The following CSMD1 variants were observed in gnomAD, a reference collection of about 807,000 sequenced individuals.
CSMD1 encodes CUB and Sushi multiple domains 1, also known as CUB and sushi domain-containing protein 1.
In CSMD1, 213 loss-of-function variants were observed where a neutral mutation model predicts 417.5. The ratio of observed to expected loss-of-function variants is 0.51; its 90% CI spans 0.46 to 0.57. The LOEUF (loss-of-function observed/expected upper bound fraction) is 0.57, where lower values mean the gene tolerates loss of function less well. Ranked by LOEUF, CSMD1 falls within the 20% of genes least tolerant of loss-of-function variation. The pLI is 0.00. For missense variants in CSMD1, 6,923 were observed against 4,529.7 expected, an observed-to-expected ratio of 1.53 and a Z score of -15.17; for synonymous variants, 2,862 against 1,736.8, an observed-to-expected ratio of 1.65 and a Z score of -16.11.
intron 12 of CSMD1, among the ~76,000 whole-genome samples, chr8:3,418,605 G>C (rs559627601): frequency 6.6e-6 from 1 of 152,156 alleles, no homozygotes; most frequent in African/African-American, 2.4e-5. Context: ...ACAATGTCCT[G>C]TGTCTCAGCT....
intron 40 of CSMD1, among the ~76,000 whole-genome samples, chr8:3,149,975 CACAT>C (rs1819092863): frequency 6.6e-6 from 1 of 152,166 alleles, no homozygotes; most frequent in African/African-American, 2.4e-5. Context: ...TCCCGGGTTA[CACAT>C]ACCTCTGAAA....
intron 5 of CSMD1, among the ~76,000 whole-genome samples, chr8:3,914,612 C>A (rs1038336113): frequency 6.6e-6 from 1 of 152,134 alleles, no homozygotes; most frequent in South Asian, 2.1e-4. Flanking sequence ...TACCAGCTAG[C>A]ATTAAATGAA....
Position 4,836,787 on chromosome 8 carries a change from C to T in CSMD1, c.85+157545G>A, listed in dbSNP as rs376548517. 9.9e-5 allele frequency among the ~76,000 whole-genome samples: 15 copies of T among 151,886 alleles called. No homozygotes were observed. In the South Asian group the frequency reaches 3.1e-3, roughly 32 times the overall value. ...ACAGGAGTCTTGACTCCTGTGTGGA[C>T]ACACTGATGTAATCGGGCCCTGTGT... On this transcript the variant is annotated intron_variant, in intron 1 of 69. Transcript: ENST00000635120.
At chr8:4,598,362 T>A (rs1037878485) in intron 2 of CSMD1, among the ~76,000 whole-genome samples, 2 of 152,318 alleles carry the variant, frequency 1.3e-5, no homozygotes, top group East Asian at 3.9e-4. Context: ...GGTTAGGGGC[T>A]GGTGCCTAGA....
chr8:4,035,068 G>C (rs984874502), intron 3 of CSMD1, among the ~76,000 whole-genome samples: 2 of 152,118 alleles, frequency 1.3e-5, no homozygotes, highest in South Asian at 2.1e-4. Flanking sequence ...CGTGCAGAAA[G>C]ATCAACGAAA....
At chr8:3,203,616 A>T (rs1185132953) in intron 31 of CSMD1, among the ~76,000 whole-genome samples, 4 of 152,196 alleles carry the variant, frequency 2.6e-5, no homozygotes, top group Non-Finnish European at 4.4e-5. Flanking sequence ...CTCCGTGGAT[A>T]AAAAACAAAC....
chr8:3,600,134 C>A (rs1333930994), intron 8 of CSMD1, among the ~76,000 whole-genome samples: 2 of 152,192 alleles, frequency 1.3e-5, no homozygotes, highest in African/African-American at 4.8e-5. Flanking sequence ...AAGACACACA[C>A]ACACATAACT....
chr8:4,162,292 A>C (rs1349640657), intron 3 of CSMD1, among the ~76,000 whole-genome samples: 1 of 152,230 alleles, frequency 6.6e-6, no homozygotes, highest in Non-Finnish European at 1.5e-5. Context: ...AAGTTTGCTA[A>C]AGAAAACTCA....
At chr8:4,476,902 G>A (rs1800830374) in intron 2 of CSMD1, among the ~76,000 whole-genome samples, 1 of 152,176 alleles carries the variant, frequency 6.6e-6, no homozygotes, top group Non-Finnish European at 1.5e-5. Flanking sequence ...AAATCCCAGG[G>A]AATCAAGGGT....
chr8:4,741,293 G>C (rs1375679476), intron 1 of CSMD1, among the ~76,000 whole-genome samples: 1 of 152,136 alleles, frequency 6.6e-6, no homozygotes, highest in Non-Finnish European at 1.5e-5. Context: ...TCACAATGAA[G>C]ATCCTTACTG....
At chr8:3,922,469 C>T (rs1010542276) in intron 5 of CSMD1, among the ~76,000 whole-genome samples, 1 of 152,006 alleles carries the variant, frequency 6.6e-6, no homozygotes, top group Non-Finnish European at 1.5e-5. Context: ...TTTCTCGTCA[C>T]ATTTTCTTTC....
Position 2,937,556 on chromosome 8 carries a change from CAG to C in CSMD1, c.*1027_*1028del, listed in dbSNP as rs1801574450. On this transcript the variant is annotated 3_prime_UTR_variant, in exon 70 of 70. Coordinates refer to ENST00000635120, the MANE Select transcript of CSMD1 (RefSeq NM_033225.6). ...ACTATTCACAGTTTTACATGGCAAACAGAAATTTCTGCAAACCCCCTGCTATT... is the reference window on the plus strand; with the variant it reads ...ACTATTCACAGTTTTACATGGCAAACAAATTTCTGCAAACCCCCTGCTATT... 1.3e-5 allele frequency: 2 copies of C among 151,796 alleles called. No homozygotes were observed. The highest frequency in any genetic ancestry group is 2.9e-5 in the Non-Finnish European group (2 of 67,980). The allele number at this position is 151,796 out of a possible 1,614,324, so 9.4% of individuals were successfully genotyped here. A position where few individuals can be genotyped will look rare whatever the true frequency, so the allele number is the denominator to read the frequency against.
At chr8:3,449,287 C>G (rs1194436626) in intron 12 of CSMD1, among the ~76,000 whole-genome samples, 1 of 152,176 alleles carries the variant, frequency 6.6e-6, no homozygotes, top group Non-Finnish European at 1.5e-5. Flanking sequence ...AGACTAAACT[C>G]AGCTTCTTTG....
chr8:4,785,704 G>C (rs1362008006), intron 1 of CSMD1, among the ~76,000 whole-genome samples: 1 of 152,040 alleles, frequency 6.6e-6, no homozygotes, highest in Non-Finnish European at 1.5e-5. Flanking sequence ...AAGGAAGGGA[G>C]GATCACCCTT....
chr8:3,555,301 G>T (rs1189397836), intron 10 of CSMD1, among the ~76,000 whole-genome samples: 3 of 152,082 alleles, frequency 2.0e-5, no homozygotes, highest in Non-Finnish European at 2.9e-5. Flanking sequence ...TTTCAATACT[G>T]AGGCTCACAG....
chr8:3,215,484 A>G (rs1375344373), intron 29 of CSMD1, among the ~76,000 whole-genome samples: 1 of 152,222 alleles, frequency 6.6e-6, no homozygotes, highest in Non-Finnish European at 1.5e-5. Flanking sequence ...GGAAAGGATC[A>G]TAAGAATGTA....
chr8:3,582,090 G>A (rs547538347), intron 9 of CSMD1, among the ~76,000 whole-genome samples: 98 of 152,216 alleles, frequency 6.4e-4, no homozygotes, highest in Non-Finnish European at 1.3e-3. Context: ...CCACCGCGCT[G>A]GCCAATGCTG....
chr8:4,857,379 A>G (rs1331385638), intron 1 of CSMD1, among the ~76,000 whole-genome samples: 1 of 151,992 alleles, frequency 6.6e-6, no homozygotes, highest in Non-Finnish European at 1.5e-5. Context: ...GAGCAAACAC[A>G]TTCAAAAGCT....
chr8:4,909,328 T>A (rs918780341), intron 1 of CSMD1, among the ~76,000 whole-genome samples: 1 of 152,096 alleles, frequency 6.6e-6, no homozygotes, highest in African/African-American at 2.4e-5. Context: ...TACCTCCTTT[T>A]ACCTCCTTGC....
Sources: gnomAD v4.1 joint callset for allele counts (sites outside exome capture counted in the v4.1 genomes callset) on GRCh38, gnomAD v4.1.1 for gene constraint, MANE v1.5 for transcripts, NCBI Gene and HGNC (gene_info 2026-07-23, HGNC 2026-07-21) for gene names.